CADPS: variants seen among roughly 807,000 people sequenced by gnomAD.
CADPS encodes the protein calcium dependent secretion activator.
In CADPS, 57 loss-of-function variants were observed where a neutral mutation model predicts 167.3. That is an observed-to-expected ratio of 0.34 (90% CI 0.28 to 0.42). The LOEUF (loss-of-function observed/expected upper bound fraction) is 0.42. Ranked by LOEUF, CADPS falls within the 20% of genes least tolerant of loss-of-function variation. CADPS has a pLI of 1.00. For synonymous variants in CADPS, 676 were observed against 635.3 expected (o/e 1.06, Z -0.96); for missense variants, 1,414 against 1,738.1 (o/e 0.81, Z 3.32).
intron 5 of CADPS, 130 bp from the exon 6 acceptor site, chr3:62,645,973 C>T: frequency 1.0e-6 from 1 of 999,196 alleles, no homozygotes; most frequent in Non-Finnish European, 1.5e-6. Flanking sequence ...TAGGTTTGTA[C>T]CAGTCATGCT....
rs149815519 is a variant in CADPS, at chr3:62,451,607, CA to C, written c.3637-5811del. Among the ~76,000 whole-genome samples the C allele has an allele frequency of 1.3e-3, 193 of 149,434 alleles. 2 individuals carry two copies. Among genetic ancestry groups the C allele is most frequent in the African/African-American group, 4.6e-3 (187 of 40,724 alleles). On this transcript the variant is annotated intron_variant, in intron 26 of 29. Coordinates refer to ENST00000383710, the MANE Select transcript of CADPS (RefSeq NM_003716.4). ...TGCCCGAGCGCCCCATGATCTCTCA[CA>C]AAAAAAAAGGAAAAAAACAATCAAG...
chr3:62,847,345 G>C (rs1435435838), intron 1 of CADPS, among the ~76,000 whole-genome samples: 2 of 117,704 alleles, frequency 1.7e-5, no homozygotes, highest in East Asian at 4.9e-4. Context: ...AGTTACATAT[G>C]TATACATGTG....
chr3:62,722,536 C>T (rs2076016494), intron 3 of CADPS, among the ~76,000 whole-genome samples: 2 of 152,200 alleles, frequency 1.3e-5, no homozygotes, highest in African/African-American at 2.4e-5. Context: ...AGGCTGGAGC[C>T]AGAAAGTGAG....
intron 9 of CADPS, among the ~76,000 whole-genome samples, chr3:62,558,850 C>T (rs998091914): frequency 1.3e-5 from 2 of 152,296 alleles, no homozygotes; most frequent in Middle Eastern, 6.8e-3. Flanking sequence ...CAGGGGAAAC[C>T]TAAGGCTGGG....
At chr3:62,671,802 G>A (rs897147783) in intron 3 of CADPS, among the ~76,000 whole-genome samples, 4 of 151,924 alleles carry the variant, frequency 2.6e-5, no homozygotes, top group African/African-American at 4.8e-5. Context: ...TTGCTCTGTC[G>A]CCAGGCTGGA....
intron 4 of CADPS, among the ~76,000 whole-genome samples, chr3:62,659,207 C>G (rs1236715931): frequency 6.6e-6 from 1 of 152,086 alleles, no homozygotes; most frequent in Non-Finnish European, 1.5e-5. Context: ...AATTGCACAT[C>G]CTCACGAAAA....
At chr3:62,708,936 C>T (rs2082848157) in intron 3 of CADPS, among the ~76,000 whole-genome samples, 1 of 152,020 alleles carries the variant, frequency 6.6e-6, no homozygotes, top group Non-Finnish European at 1.5e-5. Flanking sequence ...TGGAGCCTCT[C>T]TCTTTGCAAG....
intron 1 of CADPS, among the ~76,000 whole-genome samples, chr3:62,790,596 T>C (rs995037795): frequency 1.3e-5 from 2 of 152,238 alleles, no homozygotes; most frequent in African/African-American, 2.4e-5. Flanking sequence ...ATTTTGCACC[T>C]AGGACCAGTT....
chr3:62,614,471 T>A (rs1489539494), intron 6 of CADPS, among the ~76,000 whole-genome samples: 1 of 152,200 alleles, frequency 6.6e-6, no homozygotes, highest in Non-Finnish European at 1.5e-5. Flanking sequence ...CTGGCCACTA[T>A]GTTTGAAAAG....
chr3:62,580,511 A>C (rs2083210503), intron 8 of CADPS, among the ~76,000 whole-genome samples: 2 of 152,102 alleles, frequency 1.3e-5, no homozygotes, highest in African/African-American at 2.4e-5. Context: ...GGTGCAGCAC[A>C]CCAGCATGGC....
In CADPS at chr3:62,601,326, A is replaced by G. The variant is rs1467735828; in HGVS notation, c.1326-8578T>C. Among the ~76,000 whole-genome samples the G allele has an allele frequency of 6.6e-6, 1 of 152,200 alleles. No individual in the cohort carries two copies. Among genetic ancestry groups the G allele is most frequent in the Non-Finnish European group, 1.5e-5 (1 of 68,036 alleles). The stretch of plus-strand genomic sequence containing the variant: ...GGCTTCTTTTGTGCAGCAATGGCAG[A>G]ATTGAGTAGTTATGACAGAGAATAT... On this transcript the variant is annotated intron_variant, in intron 6 of 29. Transcript: ENST00000383710. This position sits in a 1 kb window ranked among gnomAD's most constrained non-coding sequence, Gnocchi z 4.3.
In CADPS at chr3:62,773,128, T is replaced by C. The variant is rs143283043; in HGVS notation, c.442-7144A>G. 2.0e-3 allele frequency among the ~76,000 whole-genome samples: 311 copies of C among 152,188 alleles called. 1 individual carries two copies. The highest frequency in any genetic ancestry group is 7.0e-3 in the African/African-American group (290 of 41,562). ...AGAGATTAGGGCAATGTTTATTTAA[T>C]TTCTTTTTTTTGAAGACTTCAAAAA... On this transcript the variant is annotated intron_variant, in intron 1 of 29. Transcript: ENST00000383710.
chr3:62,455,686 G>A lies in CADPS; in HGVS notation c.3636+9681C>T, dbSNP rs921314462. On this transcript the variant is annotated intron_variant, in intron 26 of 29. Transcript: ENST00000383710. The surrounding 1 kb of genome is among the most constrained non-coding windows in gnomAD (Gnocchi z 4.4). ...GCCCCTGCCCCCTTCTGGCATTTTT[G>A]TGTTTTGTTTGCCTTTTGAACATCT... 6.6e-6 allele frequency among the ~76,000 whole-genome samples: 1 copy of A among 152,130 alleles called. No individual in the cohort carries two copies. The highest frequency in any genetic ancestry group is 2.4e-5 in the African/African-American group (1 of 41,424).
intron 7 of CADPS, among the ~76,000 whole-genome samples, chr3:62,587,068 T>C (rs570745312): frequency 4.9e-4 from 75 of 152,328 alleles, no homozygotes; most frequent in African/African-American, 1.4e-3. Context: ...TACATTGGCA[T>C]TGTTTTTATC....
chr3:62,832,261 T>G lies in CADPS; in HGVS notation c.441+42328A>C, dbSNP rs528338485. On this transcript the variant is annotated intron_variant, in intron 1 of 29. Coordinates refer to ENST00000383710, the MANE Select transcript of CADPS (RefSeq NM_003716.4). The stretch of plus-strand genomic sequence containing the variant: ...AAAAATACTCCAGGTGATCCTATTG[T>G]ACAGTTAAGGTTGAGAGCCACCAAT... Among the ~76,000 whole-genome samples the G allele has an allele frequency of 8.5e-5, 13 of 152,306 alleles. No individual in the cohort carries two copies. In the South Asian group the frequency reaches 2.3e-3, roughly 27 times the overall value.
At chr3:62,693,736 G>T (rs2079675369) in intron 3 of CADPS, among the ~76,000 whole-genome samples, 1 of 149,458 alleles carries the variant, frequency 6.7e-6, no homozygotes, top group South Asian at 2.1e-4. Context: ...AGTGAGCCGA[G>T]ATTGCATCAC....
chr3:62,614,224 C>G (rs1578837153), intron 6 of CADPS, among the ~76,000 whole-genome samples: 1 of 152,114 alleles, frequency 6.6e-6, no homozygotes, highest in East Asian at 1.9e-4. Context: ...GTGGTGAGAG[C>G]TGTTAGCCCT....
chr3:62,760,485 C>T (rs904474618), intron 2 of CADPS, among the ~76,000 whole-genome samples: 2 of 152,016 alleles, frequency 1.3e-5, no homozygotes, highest in African/African-American at 4.8e-5. Context: ...GAACCTCTGG[C>T]CCCAAGAGGC....
At chr3:62,558,907 TAAAC>T (rs749891867) in intron 9 of CADPS, among the ~76,000 whole-genome samples, 11 of 152,214 alleles carry the variant, frequency 7.2e-5, no homozygotes, top group Non-Finnish European at 1.6e-4. Flanking sequence ...TTTTTTGTAA[TAAAC>T]AAAGTAATCA....
Sources: allele counts gnomAD v4.1 joint callset (sites outside exome capture counted in the v4.1 genomes callset), GRCh38; gene constraint gnomAD v4.1.1; non-coding constraint Gnocchi (gnomAD v3.1); transcripts MANE v1.5; gene names NCBI Gene and HGNC (gene_info 2026-07-23, HGNC 2026-07-21).